The following SKI variants were observed in gnomAD, a reference collection of about 807,000 sequenced individuals.
SKI encodes the protein ski oncogene.
A neutral mutation model predicts 59.3 loss-of-function variants in SKI; 23 were observed. The observed-to-expected ratio is 0.39, with a 90% CI of 0.28 to 0.55. The LOEUF is 0.55. Ranked by LOEUF, SKI falls within the 20% of genes least tolerant of loss-of-function variation. SKI has a pLI of 0.67. For synonymous variants in SKI, 673 were observed against 488.6 expected (o/e 1.38, Z -4.98); for missense variants, 1,017 against 1,038.9 (o/e 0.98, Z 0.29).
At position 2,268,111 on chromosome 1, in the gene SKI, G is replaced by A. The variant is rs1239239654; in HGVS notation, c.970-34867G>A. On this transcript the variant is annotated intron_variant, in intron 1 of 6. Transcript: ENST00000378536. This position sits in a 1 kb window ranked among gnomAD's most constrained non-coding sequence, Gnocchi z 5.0. ...TGCCCACCCCTGTGGTCAGATGCAT[G>A]GCGCCCGCAGCCCTGGCCCAGGTGC... Among the ~76,000 whole-genome samples the A allele has an allele frequency of 1.3e-5, 2 of 152,334 alleles. No homozygotes were observed. The highest frequency in any genetic ancestry group is 3.9e-4 in the East Asian group (2 of 5,170).
chr1:2,262,322 C>G (rs1484437334), intron 1 of SKI, among the ~76,000 whole-genome samples: 1 of 143,210 alleles, frequency 7.0e-6, no homozygotes, highest in Non-Finnish European at 1.5e-5. Context: ...ACCCTCGCTC[C>G]TGATCTCCTG....
rs755318392 is a variant in SKI at position 2,302,973 on chromosome 1, C to T, written c.970-5C>T. 46 of 1,613,330 alleles carry T rather than the reference C, an allele frequency of 2.9e-5. No individual in the cohort carries two copies. The highest frequency in any genetic ancestry group is 1.1e-4 in the African/African-American group (8 of 74,946). ...GGTGCCAACAAAACCTTTCATTGAT[C>T]GCAGGTCTCCTCTGAGCCTCCGGCC... On this transcript the variant is annotated splice_polypyrimidine_tract_variant and splice_region_variant and intron_variant, in intron 1 of 6. Transcript: ENST00000378536.
chr1:2,303,372 C>G lies in SKI; in HGVS notation c.1183C>G (p.Pro395Ala). ...AVSASEKELSPHLPALIRDSF... is the reference protein window; with the variant it reads ...AVSASEKELSAHLPALIRDSF... ...GTCAGCGAGTGAGAAAGAGCTCTCC[C>G]CACACCTCCCGGCCCTCATCCGAGA... Residue 395 changes from proline (P) to alanine (A), a missense_variant, in exon 3 of 7, where the codon CCA (proline) becomes GCA (alanine). By Grantham distance (27) the Pro-to-Ala change is conservative. Transcript: ENST00000378536. This position sits in a 1 kb window ranked among gnomAD's most constrained non-coding sequence, Gnocchi z 5.6. 6.2e-7 allele frequency: 1 copy of G among 1,613,514 alleles called. No individual in the cohort carries two copies. Among genetic ancestry groups the G allele is most frequent in the Middle Eastern group, 1.6e-4 (1 of 6,062 alleles).
chr1:2,305,999 C>T lies in SKI; in HGVS notation c.1768-21C>T, dbSNP rs1160088793. ...GCTGGGACCGGCTGGGCAGTGACCC[C>T]GAGCCGCCTCCGGCCCCCAGGAGCT... On this transcript the variant is annotated intron_variant, in intron 5 of 6. Transcript: ENST00000378536. 7.7e-6 allele frequency: 12 copies of T among 1,550,144 alleles called. No individual in the cohort carries two copies. The South Asian group carries it at 8.3e-5, about 11-fold the overall frequency.
In SKI at chr1:2,269,834, T is replaced by G. The variant is rs2100851742; in HGVS notation, c.970-33144T>G. On this transcript the variant is annotated intron_variant, in intron 1 of 6. Transcript: ENST00000378536. The surrounding 1 kb of genome is among the most constrained non-coding windows in gnomAD (Gnocchi z 4.7). ...GGTCTGGTGGTGCCTGTGGCTGGCG[T>G]GGGTCTGGCGGGTCTGGTGGTGCCT... Among the ~76,000 whole-genome samples the G allele has an allele frequency of 6.8e-6, 1 of 147,530 alleles. No homozygotes were observed. Among genetic ancestry groups the G allele is most frequent in the African/African-American group, 2.5e-5 (1 of 39,808 alleles).
At chr1:2,245,499 A>G (rs755468661) in intron 1 of SKI, among the ~76,000 whole-genome samples, 16 of 151,846 alleles carry the variant, frequency 1.1e-4, no homozygotes, top group African/African-American at 1.2e-4. Context: ...TTGAGACAGC[A>G]TCTTGCTCTG....
intron 1 of SKI, among the ~76,000 whole-genome samples, chr1:2,300,559 C>T (rs1193231160): frequency 2.0e-5 from 3 of 152,246 alleles, no homozygotes; most frequent in Non-Finnish European, 4.4e-5. Context: ...CGGCTGTCTG[C>T]TTCCTGGGGC....
chr1:2,231,976 C>CGT, intron 1 of SKI, among the ~76,000 whole-genome samples: 1 of 152,324 alleles, frequency 6.6e-6, no homozygotes, highest in South Asian at 2.1e-4. Context: ...CAGCCGTGTG[C>CGT]GTGTCTCTGT....
chr1:2,305,796 T>TA (rs1463689470), intron 5 of SKI, among the ~76,000 whole-genome samples: 1 of 152,084 alleles, frequency 6.6e-6, no homozygotes, highest in Non-Finnish European at 1.5e-5. Flanking sequence ...CCCCCAGGTT[T>TA]AGCACAGCTG....
chr1:2,254,643 T>G (rs1569732747), intron 1 of SKI, among the ~76,000 whole-genome samples: 1 of 151,876 alleles, frequency 6.6e-6, no homozygotes, highest in African/African-American at 2.4e-5. Context: ...TGGGGAGGGG[T>G]GAAGTGGACT....
rs988691843 is a variant in SKI at position 2,267,011 on chromosome 1, G to C, written c.970-35967G>C. Among the ~76,000 whole-genome samples the C allele has an allele frequency of 2.0e-5, 3 of 152,262 alleles. No individual in the cohort carries two copies. In the Middle Eastern group the frequency reaches 0.01, roughly 518 times the overall value. ...AAAACATCGCTGAATTGTGCTGACTGGCACATCCATTGTGAGCGGATGTGT... is the reference window on the plus strand; with the variant it reads ...AAAACATCGCTGAATTGTGCTGACTCGCACATCCATTGTGAGCGGATGTGT... On this transcript the variant is annotated intron_variant, in intron 1 of 6. Transcript: ENST00000378536. The surrounding 1 kb of genome is among the most constrained non-coding windows in gnomAD (Gnocchi z 4.1).
intron 1 of SKI, among the ~76,000 whole-genome samples, chr1:2,240,998 G>T (rs556569849): frequency 3.8e-4 from 58 of 152,316 alleles, no homozygotes; most frequent in African/African-American, 1.3e-3. Context: ...GCAGGCGAGG[G>T]CTTTGTAGGA....
chr1:2,239,614 T>A (rs1189370929), intron 1 of SKI, among the ~76,000 whole-genome samples: 1 of 152,246 alleles, frequency 6.6e-6, no homozygotes, highest in African/African-American at 2.4e-5. Context: ...AGGTGTGCAG[T>A]GGCAAGGGCC....
At chr1:2,296,224 A>C (rs1222297528) in intron 1 of SKI, among the ~76,000 whole-genome samples, 1 of 151,292 alleles carries the variant, frequency 6.6e-6, no homozygotes, top group Non-Finnish European at 1.5e-5. Flanking sequence ...AGGAAAAAAA[A>C]CAAAAAAAAA....
At chr1:2,260,193 G>A (rs1046428228) in intron 1 of SKI, among the ~76,000 whole-genome samples, 6 of 152,200 alleles carry the variant, frequency 3.9e-5, no homozygotes, top group Admixed American at 2.0e-4. Context: ...GGGCTTAGGC[G>A]TTCAGCCGTC....
chr1:2,290,095 A>G (rs903924), intron 1 of SKI, among the ~76,000 whole-genome samples: 79,091 of 151,828 alleles, frequency 0.52, 22,334 homozygotes, highest in African/African-American at 0.75. Context: ...GGATGTTCCT[A>G]GAGTGGGGAG....
At chr1:2,250,146 TGCA>T (rs1639107023) in intron 1 of SKI, among the ~76,000 whole-genome samples, 1 of 152,220 alleles carries the variant, frequency 6.6e-6, no homozygotes, top group African/African-American at 2.4e-5. Context: ...CCTCAAGTGA[TGCA>T]GCCGCCTTGG....
At position 2,241,949 on chromosome 1, in the gene SKI, CTGTGTGTGTG is replaced by C. The variant is rs34969427; in HGVS notation, c.969+12227_969+12236del. Among the ~76,000 whole-genome samples, 198 of 150,234 alleles carry C rather than the reference CTGTGTGTGTG, an allele frequency of 1.3e-3. 2 individuals are homozygous for C. Among genetic ancestry groups the C allele is most frequent in the African/African-American group, 4.7e-3 (193 of 40,974 alleles). ...GGATGGGTCTTCCGTGCATGCCTGT[CTGTGTGTGTG>C]TGTGTGTGTGTGCCTGTGTGTGCCT... On this transcript the variant is annotated intron_variant, in intron 1 of 6. Coordinates refer to ENST00000378536, the MANE Select transcript of SKI (RefSeq NM_003036.4).
chr1:2,258,199 T>C (rs1333338294), intron 1 of SKI, among the ~76,000 whole-genome samples: 2 of 152,248 alleles, frequency 1.3e-5, no homozygotes, highest in African/African-American at 2.4e-5. Context: ...TGTGGTGTTT[T>C]ATCTAGTGAC....
Sources: gnomAD v4.1 joint callset for allele counts (sites outside exome capture counted in the v4.1 genomes callset) on GRCh38, gnomAD v4.1.1 for gene constraint, Gnocchi (gnomAD v3.1) non-coding constraint, MANE v1.5 for transcripts, NCBI Gene and HGNC (gene_info 2026-07-23, HGNC 2026-07-21) for gene names.